NSD1: variants seen among roughly 807,000 people sequenced by gnomAD.
NSD1 encodes the protein histone-lysine N-methyltransferase, H3 lysine-36 specific.
NSD1 carries 26 observed loss-of-function variants against 242.7 expected under a neutral mutation model. The observed-to-expected ratio is 0.11, with a 90% CI of 0.08 to 0.15. The LOEUF is 0.15. Ranked by LOEUF, NSD1 falls within the 10% of genes least tolerant of loss-of-function variation. The pLI is 1.00. For missense variants in NSD1, 2,495 were observed against 3,272.8 expected (o/e 0.76, Z 5.80); for synonymous variants, 1,106 against 1,178.1 (o/e 0.94, Z 1.25).
At position 177,238,459 on chromosome 5, in the gene NSD1, T is replaced by G; in HGVS notation, c.4144T>G (p.Ser1382Ala). The G allele has an allele frequency of 6.8e-6, 11 of 1,614,120 alleles. No individual in the cohort carries two copies. The highest frequency in any genetic ancestry group is 8.5e-6 in the Non-Finnish European group (10 of 1,180,024). The change falls in exon 7 of 23, where the codon TCT becomes GCT. Residue 1382 changes from serine (S) to alanine (A), a missense_variant. Physicochemically the swap from Ser to Ala is moderately conservative, Grantham distance 99 (BLOSUM62 1). Transcript: ENST00000439151. This position sits in a 1 kb window ranked among gnomAD's most constrained non-coding sequence, Gnocchi z 4.6. ...TLSVPVAPEV[S>A]PRPALESEEL... ...GTCTGTGCCTGTGGCTCCGGAAGTCTCTCCACGGCCTGCCCTTGAGTCTGA... is the reference window on the plus strand; with the variant it reads ...GTCTGTGCCTGTGGCTCCGGAAGTCGCTCCACGGCCTGCCCTTGAGTCTGA...
intron 7 of NSD1, among the ~76,000 whole-genome samples, chr5:177,239,415 T>TC (rs1211317945): frequency 2.0e-5 from 3 of 152,174 alleles, no homozygotes; most frequent in African/African-American, 7.2e-5. Flanking sequence ...ATGACCATGA[T>TC]CCAAGTTCTA....
chr5:177,142,175 C>T (rs1458022700), intron 2 of NSD1, among the ~76,000 whole-genome samples: 3 of 152,130 alleles, frequency 2.0e-5, no homozygotes, highest in African/African-American at 4.8e-5. Flanking sequence ...TTGCCAAACA[C>T]GCATTTACTT....
chr5:177,267,147 T>TG (rs1336547634), intron 14 of NSD1, among the ~76,000 whole-genome samples: 2 of 152,192 alleles, frequency 1.3e-5, no homozygotes, highest in African/African-American at 4.8e-5. Context: ...CCTGAGGCAC[T>TG]GTGCCCAGCC....
intron 2 of NSD1, among the ~76,000 whole-genome samples, chr5:177,170,139 T>G (rs1759569206): frequency 6.6e-6 from 1 of 150,984 alleles, no homozygotes; most frequent in South Asian, 2.1e-4. Flanking sequence ...CCGGCTAATT[T>G]TTTTTTGTAT....
chr5:177,278,148 G>GT (rs1271087820), intron 17 of NSD1, among the ~76,000 whole-genome samples: 1 of 152,230 alleles, frequency 6.6e-6, no homozygotes, highest in African/African-American at 2.4e-5. Context: ...AGATCTGGCA[G>GT]TGAGACCTAC....
Position 177,164,338 on chromosome 5 carries a change from G to A in NSD1, c.928-27546G>A, listed in dbSNP as rs374222910. Among the ~76,000 whole-genome samples, 12 of 151,816 alleles carry A rather than the reference G, an allele frequency of 7.9e-5. 1 individual carries two copies. Among genetic ancestry groups the A allele is most frequent in the African/African-American group, 2.9e-4 (12 of 41,450 alleles). ...TGCCTGGCTAATTTTTGTATTTTTAGTAGAGACAGGGTTTCACCATGTTGG... is the reference window on the plus strand; with the variant it reads ...TGCCTGGCTAATTTTTGTATTTTTAATAGAGACAGGGTTTCACCATGTTGG... On this transcript the variant is annotated intron_variant, in intron 2 of 22. Coordinates refer to ENST00000439151, the MANE Select transcript of NSD1 (RefSeq NM_022455.5).
intron 5 of NSD1, chr5:177,229,978 A>C (rs1358031438): frequency 6.1e-6 from 1 of 163,210 alleles, no homozygotes; most frequent in Non-Finnish European, 1.3e-5. Flanking sequence ...TCCCGACTTC[A>C]AGTGATCTGC....
intron 4 of NSD1, among the ~76,000 whole-genome samples, chr5:177,208,554 GTC>G (rs1248773906): frequency 6.8e-6 from 1 of 148,082 alleles, no homozygotes; most frequent in Admixed American, 6.8e-5. Context: ...TTGAGAAAGA[GTC>G]TTGCTCTGTC....
rs1760532338 is a variant in NSD1, at chr5:177,300,205, T to C, written c.*4746T>C. 4.5e-6 allele frequency: 1 copy of C among 220,684 alleles called. No homozygotes were observed. Among genetic ancestry groups the C allele is most frequent in the Non-Finnish European group, 9.1e-6 (1 of 110,050 alleles). The allele number at this position is 220,684 out of a possible 1,614,324, so 13.7% of individuals were successfully genotyped here. ...ATTTACTGTAAAGTAAAGTTTAACT[T>C]TACTCATATATGGCCCTTGCCCTGT... On this transcript the variant is annotated 3_prime_UTR_variant, in exon 23 of 23. Coordinates refer to ENST00000439151, the MANE Select transcript of NSD1 (RefSeq NM_022455.5).
intron 2 of NSD1, among the ~76,000 whole-genome samples, chr5:177,172,755 T>G (rs960956994): frequency 2.0e-5 from 3 of 152,024 alleles, no homozygotes; most frequent in Non-Finnish European, 4.4e-5. Flanking sequence ...GCCCAGGACT[T>G]GGAGACCAGC....
At chr5:177,149,473 G>A (rs1165250994) in intron 2 of NSD1, among the ~76,000 whole-genome samples, 2 of 152,068 alleles carry the variant, frequency 1.3e-5, no homozygotes, top group Non-Finnish European at 2.9e-5. Context: ...GCCCACCTCG[G>A]CCTCCCAAAG....
chr5:177,169,386 G>T lies in NSD1; in HGVS notation c.928-22498G>T, dbSNP rs1759502971. On this transcript the variant is annotated intron_variant, in intron 2 of 22. Coordinates refer to ENST00000439151, the MANE Select transcript of NSD1 (RefSeq NM_022455.5). Reference sequence around the variant, plus strand: ...TTCCAATTTGCTTCAAATGCTGAACGACCGTAGAATGGTCGACGTTGAGCT... The same window carrying T: ...TTCCAATTTGCTTCAAATGCTGAACTACCGTAGAATGGTCGACGTTGAGCT... The T allele has an allele frequency of 2.6e-5, 4 of 155,760 alleles. No homozygotes were observed. In the South Asian group the frequency reaches 7.7e-4, roughly 30 times the overall value. 9.6% of individuals were successfully genotyped at this position (155,760 alleles called of 1,614,324 possible). A position where few individuals can be genotyped will look rare whatever the true frequency, so the allele number is the denominator to read the frequency against.
At chr5:177,177,221 A>G (rs1247171931) in intron 2 of NSD1, among the ~76,000 whole-genome samples, 1 of 152,116 alleles carries the variant, frequency 6.6e-6, no homozygotes, top group Non-Finnish European at 1.5e-5. Context: ...GGCAAACATC[A>G]AACAAGGATT....
In NSD1 at chr5:177,140,911, A is replaced by G. The variant is rs147206777; in HGVS notation, c.927+4881A>G. 7.2e-5 allele frequency among the ~76,000 whole-genome samples: 11 copies of G among 152,256 alleles called. No homozygotes were observed. In the East Asian group the frequency reaches 1.7e-3, roughly 24 times the overall value. On this transcript the variant is annotated intron_variant, in intron 2 of 22. Coordinates refer to ENST00000439151, the MANE Select transcript of NSD1 (RefSeq NM_022455.5). ...GGTTCCTTCCTCTTCTCTACCCATCATCCCACAATTTTCTACTCCCTCCTT... is the reference window on the plus strand; with the variant it reads ...GGTTCCTTCCTCTTCTCTACCCATCGTCCCACAATTTTCTACTCCCTCCTT...
At chr5:177,132,363 T>G (rs1581080238), upstream of NSD1, among the ~76,000 whole-genome samples, 1 of 151,010 alleles carries the variant, frequency 6.6e-6, no homozygotes, top group Non-Finnish European at 1.5e-5. The surrounding 1 kb of genome is among the most constrained non-coding windows in gnomAD (Gnocchi z 7.5). Context: ...GCCCGTCCCG[T>G]CCCGGCCCCC....
intron 5 of NSD1, among the ~76,000 whole-genome samples, chr5:177,224,505 AT>A (rs1204489307): frequency 1.3e-5 from 2 of 151,998 alleles, no homozygotes; most frequent in East Asian, 3.8e-4. Context: ...AATATTTAAT[AT>A]TAATACAAAC....
chr5:177,237,501 A>T (rs1477225922), intron 6 of NSD1, among the ~76,000 whole-genome samples: 8 of 146,514 alleles, frequency 5.5e-5, no homozygotes, highest in Non-Finnish European at 7.5e-5. Flanking sequence ...AAAAAAATAT[A>T]TATATATAAT....
At chr5:177,152,558 A>G (rs897135829) in intron 2 of NSD1, among the ~76,000 whole-genome samples, 1 of 133,446 alleles carries the variant, frequency 7.5e-6, no homozygotes, top group African/African-American at 2.9e-5. Flanking sequence ...GGTTCACGCC[A>G]TTCTCCTGCC....
intron 14 of NSD1, chr5:177,265,637 G>A: frequency 6.3e-7 from 1 of 1,592,344 alleles, no homozygotes; most frequent in Non-Finnish European, 8.6e-7. Context: ...TAGGTTGATG[G>A]TGAAGTCCCG....
Sources: gnomAD v4.1 joint callset for allele counts (sites outside exome capture counted in the v4.1 genomes callset) on GRCh38, gnomAD v4.1.1 for gene constraint, Gnocchi (gnomAD v3.1) non-coding constraint, MANE v1.5 for transcripts, NCBI Gene and HGNC (gene_info 2026-07-23, HGNC 2026-07-21) for gene names.